TMCO5A: variants seen among roughly 807,000 people sequenced by gnomAD.
TMCO5A encodes transmembrane and coiled-coil domain-containing protein 5A.
In TMCO5A, 34 loss-of-function variants were observed where a neutral mutation model predicts 42.3. That is an observed-to-expected ratio of 0.80 (90% CI 0.61 to 1.07). The LOEUF (loss-of-function observed/expected upper bound fraction) is 1.07, where lower values mean the gene tolerates loss of function less well. Among genes scored for constraint, TMCO5A ranks in the 50% least tolerant of loss-of-function variants. The pLI, the probability that TMCO5A is intolerant of heterozygous loss-of-function variation, is 0.00. For synonymous variants in TMCO5A, 131 were observed against 115.6 expected, an observed-to-expected ratio of 1.13 and a Z score of -0.86; for missense variants, 357 against 327.9, an observed-to-expected ratio of 1.09 and a Z score of -0.69.
intron 7 of TMCO5A, 45 bp downstream of exon 7, chr15:37,941,250 T>A: frequency 6.3e-7 from 1 of 1,579,124 alleles, no homozygotes; most frequent in Non-Finnish European, 8.7e-7. Flanking sequence ...AAAAGGGAAA[T>A]GTGATCTTTG....
At chr15:37,944,939 A>T (rs184994500) in intron 10 of TMCO5A, among the ~76,000 whole-genome samples, 145 of 152,150 alleles carry the variant, frequency 9.5e-4, no homozygotes, top group Admixed American at 3.5e-3. Flanking sequence ...AACGTGTGCC[A>T]TGGTGGTTTG....
At chr15:38,021,072 T>G in the TMCO5A span, among the ~76,000 whole-genome samples, 31 of 152,142 alleles carry the variant, frequency 2.0e-4, no homozygotes, top group Admixed American at 2.0e-3. Context: ...CAAAAAACAA[T>G]GGATACTTCC....
chr15:37,984,738 A>G, the TMCO5A span: 1 of 122,100 alleles, frequency 8.2e-6, no homozygotes, highest in Non-Finnish European at 1.6e-5. Context: ...CCTTGTGAGG[A>G]CACAGCAACA....
the TMCO5A span, among the ~76,000 whole-genome samples, chr15:38,025,899 C>T: frequency 6.6e-6 from 1 of 152,186 alleles, no homozygotes; most frequent in African/African-American, 2.4e-5. Context: ...TCAGGGGTTT[C>T]TGCTTTTGCA....
the TMCO5A span, among the ~76,000 whole-genome samples, chr15:37,973,691 A>G: frequency 6.6e-6 from 1 of 152,178 alleles, no homozygotes; most frequent in South Asian, 2.1e-4. Context: ...TTTTCCAGAT[A>G]TAGAATTATT....
chr15:37,951,857 G>A (rs912535251), downstream of TMCO5A, among the ~76,000 whole-genome samples: 12 of 152,104 alleles, frequency 7.9e-5, no homozygotes, highest in African/African-American at 2.9e-4. Flanking sequence ...ACACGGAAGA[G>A]ATAGGAAAAA....
downstream of TMCO5A, among the ~76,000 whole-genome samples, chr15:37,953,161 C>G (rs1392210832): frequency 6.6e-6 from 1 of 152,192 alleles, no homozygotes; most frequent in Non-Finnish European, 1.5e-5. Context: ...GGGAAGGACA[C>G]AAGCCTGGTT....
At chr15:37,962,832 G>T (rs943668170) in intron 11 of TMCO5A, among the ~76,000 whole-genome samples, 4 of 152,014 alleles carry the variant, frequency 2.6e-5, no homozygotes, top group African/African-American at 9.7e-5. Flanking sequence ...ATGTGTAAAG[G>T]TGTTCATAAT....
the TMCO5A span, among the ~76,000 whole-genome samples, chr15:37,980,843 C>G: frequency 6.6e-6 from 1 of 152,080 alleles, no homozygotes; most frequent in Non-Finnish European, 1.5e-5. Flanking sequence ...TCCACACCCT[C>G]TAAACCCATG....
the TMCO5A span, among the ~76,000 whole-genome samples, chr15:38,005,430 T>C: frequency 7.7e-6 from 1 of 130,394 alleles, no homozygotes; most frequent in African/African-American, 3.0e-5. Flanking sequence ...AAGCTAGGCA[T>C]GGTGGTGCAC....
the TMCO5A span, among the ~76,000 whole-genome samples, chr15:37,974,320 C>T: frequency 1.3e-5 from 2 of 152,080 alleles, no homozygotes. Context: ...GAAATAGTTT[C>T]AATAGGAATG....
the TMCO5A span, among the ~76,000 whole-genome samples, chr15:37,978,025 C>T: frequency 5.9e-5 from 9 of 152,198 alleles, no homozygotes; most frequent in East Asian, 1.9e-4. Context: ...TCAGCAAGGG[C>T]AGTACCCCTA....
rs763126372 is a variant in TMCO5A, at chr15:37,947,626, CTTAT to C, written c.628-25_628-22del. ...TGATGATAATAGCCTCCAGAAATTGCTTATTTATCAATATCCTTTCTTCTTCCAG... is the reference window on the plus strand; with the variant it reads ...TGATGATAATAGCCTCCAGAAATTGCTTATCAATATCCTTTCTTCTTCCAG... On this transcript the variant is annotated intron_variant, in intron 10 of 11. Transcript: ENST00000319669. 11 of 1,512,220 alleles carry C rather than the reference CTTAT, an allele frequency of 7.3e-6. 1 individual carries two copies. In the African/African-American group the frequency reaches 1.4e-4, roughly 19 times the overall value. The allele number at this position is 1,512,220 out of a possible 1,614,324, so 93.7% of individuals were successfully genotyped here.
Position 37,949,559 on chromosome 15 carries a change from T to C in TMCO5A, c.669-1477T>C, listed in dbSNP as rs536434200. Among the ~76,000 whole-genome samples the C allele has an allele frequency of 2.0e-5, 3 of 152,122 alleles. No homozygotes were observed. The South Asian group carries it at 6.2e-4, about 32-fold the overall frequency. Reference sequence around the variant, plus strand: ...AAATTGTGCACATAGCAAACTTTGGTATGTGACAGTGATTGCATGTCAAAG... The same window carrying C: ...AAATTGTGCACATAGCAAACTTTGGCATGTGACAGTGATTGCATGTCAAAG... On this transcript the variant is annotated intron_variant, in intron 11 of 11. Coordinates refer to ENST00000319669, the MANE Select transcript of TMCO5A (RefSeq NM_152453.4).
the TMCO5A span, among the ~76,000 whole-genome samples, chr15:37,991,054 A>C: frequency 6.6e-6 from 1 of 152,276 alleles, no homozygotes; most frequent in East Asian, 1.9e-4. Flanking sequence ...AAGTTTCCAT[A>C]ATACTAGCTT....
At chr15:37,949,438 A>C (rs1309864074) in intron 11 of TMCO5A, among the ~76,000 whole-genome samples, 1 of 152,122 alleles carries the variant, frequency 6.6e-6, no homozygotes, top group African/African-American at 2.4e-5. Flanking sequence ...GCCCTTCCAG[A>C]TATCAGGACT....
chr15:38,015,560 A>C, the TMCO5A span, among the ~76,000 whole-genome samples: 1 of 152,196 alleles, frequency 6.6e-6, no homozygotes, highest in African/African-American at 2.4e-5. Flanking sequence ...GTATTTACCC[A>C]AAAATTTGAA....
chr15:37,947,015 G>T (rs1889989244), intron 10 of TMCO5A, among the ~76,000 whole-genome samples: 1 of 151,984 alleles, frequency 6.6e-6, no homozygotes, highest in South Asian at 2.1e-4. Context: ...TTATTATTTT[G>T]AGTTATGTTT....
At chr15:38,009,367 A>C in the TMCO5A span, among the ~76,000 whole-genome samples, 1 of 152,214 alleles carries the variant, frequency 6.6e-6, no homozygotes, top group African/African-American at 2.4e-5. Flanking sequence ...AGTTCTTTAG[A>C]CCTTCAACAC....
Sources: gnomAD v4.1 joint callset for allele counts (sites outside exome capture counted in the v4.1 genomes callset) on GRCh38, gnomAD v4.1.1 for gene constraint, MANE v1.5 for transcripts, NCBI Gene and HGNC (gene_info 2026-07-23, HGNC 2026-07-21) for gene names.